Variants in TTC6 observed in about 807,000 individuals in gnomAD.
TTC6 encodes tetratricopeptide repeat domain 6.
A neutral mutation model predicts 210.4 loss-of-function variants in TTC6; 172 were observed. The ratio of observed to expected loss-of-function variants is 0.82; its 90% CI spans 0.72 to 0.93. The LOEUF (loss-of-function observed/expected upper bound fraction) is 0.93, where lower values mean the gene tolerates loss of function less well. Ranked by LOEUF, TTC6 falls within the 40% of genes least tolerant of loss-of-function variation. The pLI is 0.00. For synonymous variants in TTC6, 804 were observed against 819.6 expected (o/e 0.98, Z 0.32); for missense variants, 2,414 against 2,318.1 (o/e 1.04, Z -0.85).
chr14:37,842,185 T>G, exon 31 of TTC6: 1 of 1,607,544 alleles, frequency 6.2e-7, no homozygotes, highest in Non-Finnish European at 8.5e-7. Flanking sequence ...GATGCTCTAG[T>G]ATATAATTTT....
chr14:37,636,400 G>T (rs2095680789), intron 1 of TTC6, among the ~76,000 whole-genome samples: 2 of 152,102 alleles, frequency 1.3e-5, no homozygotes, highest in South Asian at 4.1e-4. Flanking sequence ...ACATCTAAAA[G>T]AATTGAAACT....
chr14:37,752,751 G>A (rs2139044951), intron 13 of TTC6, among the ~76,000 whole-genome samples: 1 of 152,126 alleles, frequency 6.6e-6, no homozygotes, highest in African/African-American at 2.4e-5. Flanking sequence ...AGTCTAATAT[G>A]TTATGTCTTT....
At chr14:37,745,781 T>G (rs997276811) in intron 10 of TTC6, among the ~76,000 whole-genome samples, 1 of 152,298 alleles carries the variant, frequency 6.6e-6, no homozygotes, top group East Asian at 1.9e-4. Context: ...TTCTCATACC[T>G]TTAGAAGATT....
intron 14 of TTC6, among the ~76,000 whole-genome samples, chr14:37,757,179 A>G (rs2095970525): frequency 6.6e-6 from 1 of 151,826 alleles, no homozygotes; most frequent in African/African-American, 2.4e-5. Context: ...TTTCTGTGGG[A>G]TCAGTGGTCA....
intron 1 of TTC6, among the ~76,000 whole-genome samples, chr14:37,652,603 G>A (rs986713555): frequency 3.3e-5 from 5 of 152,094 alleles, no homozygotes; most frequent in East Asian, 1.9e-4. Flanking sequence ...GCAGTTCCTC[G>A]TCAAACCTTT....
At chr14:37,655,350 A>T (rs2095720259) in intron 1 of TTC6, among the ~76,000 whole-genome samples, 1 of 152,204 alleles carries the variant, frequency 6.6e-6, no homozygotes, top group Admixed American at 6.5e-5. Flanking sequence ...TTCTATTTTT[A>T]GTTTAACTTT....
At chr14:37,607,018 T>C (rs1434681643) in intron 2 of TTC6, among the ~76,000 whole-genome samples, 1 of 152,268 alleles carries the variant, frequency 6.6e-6, no homozygotes, top group Admixed American at 6.5e-5. Context: ...TCAAGTTTTT[T>C]TGACTTAGGC....
intron 7 of TTC6, among the ~76,000 whole-genome samples, chr14:37,735,456 CT>C (rs1443516902): frequency 1.3e-5 from 2 of 152,130 alleles, no homozygotes; most frequent in African/African-American, 4.8e-5. Context: ...TATCTACATA[CT>C]TAACCGATAG....
At chr14:37,730,803 T>C (rs1038756530) in intron 7 of TTC6, among the ~76,000 whole-genome samples, 18 of 152,330 alleles carry the variant, frequency 1.2e-4, no homozygotes, top group Admixed American at 7.8e-4. Flanking sequence ...ATTCGGACAC[T>C]ATAGTTCTCA....
At chr14:37,605,521 C>A (rs2095623582) in intron 1 of TTC6, among the ~76,000 whole-genome samples, 1 of 152,198 alleles carries the variant, frequency 6.6e-6, no homozygotes, top group Non-Finnish European at 1.5e-5. Context: ...AGGCAGTGAT[C>A]TCTGGCTAAA....
At chr14:37,740,672 A>G (rs937315838) in intron 10 of TTC6, among the ~76,000 whole-genome samples, 1 of 152,220 alleles carries the variant, frequency 6.6e-6, no homozygotes, top group African/African-American at 2.4e-5. Context: ...TCTGTATACT[A>G]CATATGCTTA....
At chr14:37,770,350 G>C (rs2096013926) in intron 14 of TTC6, among the ~76,000 whole-genome samples, 1 of 151,952 alleles carries the variant, frequency 6.6e-6, no homozygotes, top group Non-Finnish European at 1.5e-5. Flanking sequence ...TCAATTCCTG[G>C]GTATCCTTGT....
intron 25 of TTC6, among the ~76,000 whole-genome samples, chr14:37,816,500 C>T (rs991056725): frequency 2.6e-5 from 4 of 152,142 alleles, no homozygotes; most frequent in Admixed American, 1.3e-4. Context: ...TTTTGCCACT[C>T]CACAGAAGAG....
At chr14:37,754,795 G>C (rs1177388158) in intron 14 of TTC6, among the ~76,000 whole-genome samples, 1 of 151,956 alleles carries the variant, frequency 6.6e-6, no homozygotes, top group Non-Finnish European at 1.5e-5. Context: ...CATTTTCTTT[G>C]TAAGTCTATA....
intron 10 of TTC6, among the ~76,000 whole-genome samples, chr14:37,743,265 CTT>C (rs1443787490): frequency 6.6e-6 from 1 of 152,188 alleles, no homozygotes; most frequent in African/African-American, 2.4e-5. Flanking sequence ...CCAGTCCCCT[CTT>C]TTATCATGTT....
At chr14:37,697,117 A>G (rs1441419435) in intron 4 of TTC6, among the ~76,000 whole-genome samples, 1 of 152,146 alleles carries the variant, frequency 6.6e-6, no homozygotes, top group African/African-American at 2.4e-5. Context: ...ATTAAATGTT[A>G]GCATGTTAGA....
rs550833926 is a variant in TTC6 at position 37,646,571 on chromosome 14, G to A, written c.939+23568G>A. 1.1e-3 allele frequency among the ~76,000 whole-genome samples: 163 copies of A among 152,234 alleles called. 2 individuals carry two copies. The Middle Eastern group carries it at 0.061, about 57-fold the overall frequency. On this transcript the variant is annotated intron_variant, in intron 1 of 30. Transcript: ENST00000553443. The stretch of plus-strand genomic sequence containing the variant: ...CATTCAAAATTAATAATTTCAATAT[G>A]TAACCTTCCCAATATAGAGGTATTT...
At chr14:37,796,926 A>G (rs773888542) in exon 20 of TTC6, 8 of 1,601,092 alleles carry the variant, frequency 5.0e-6, no homozygotes, top group Non-Finnish European at 6.8e-6. Context: ...CAAAAGTTCA[A>G]ATGAAGGCCA....
At chr14:37,693,656 A>G (rs1040690188) in intron 3 of TTC6, among the ~76,000 whole-genome samples, 4 of 152,136 alleles carry the variant, frequency 2.6e-5, no homozygotes, top group African/African-American at 9.7e-5. Flanking sequence ...AACAAAAACA[A>G]AAAATCTGGA....
Sources: gnomAD v4.1 joint callset for allele counts (sites outside exome capture counted in the v4.1 genomes callset) on GRCh38, gnomAD v4.1.1 for gene constraint, MANE v1.5 for transcripts, NCBI Gene and HGNC (gene_info 2026-07-23, HGNC 2026-07-21) for gene names.